The following NEK11 variants were observed in gnomAD, a reference collection of about 807,000 sequenced individuals.
NEK11 encodes serine/threonine-protein kinase Nek11.
In NEK11, 72 loss-of-function variants were observed where a neutral mutation model predicts 80.7. The ratio of observed to expected loss-of-function variants is 0.89; its 90% CI spans 0.74 to 1.08. The LOEUF is 1.08. NEK11 is among the 50% of genes least tolerant of loss of function. The pLI is 0.00. For missense variants in NEK11, 764 were observed against 763.6 expected (o/e 1.00, Z -0.01); for synonymous variants, 251 against 260.7 (o/e 0.96, Z 0.36).
intron 17 of NEK11, among the ~76,000 whole-genome samples, chr3:131,342,549 CT>C (rs201528368): frequency 0.013 from 1,707 of 135,576 alleles, 12 homozygotes; most frequent in Non-Finnish European, 0.015. Context: ...CTCCTGGTGT[CT>C]TTTTTTTTTT....
At chr3:131,213,984 A>G (rs963817579) in intron 14 of NEK11, among the ~76,000 whole-genome samples, 2 of 152,192 alleles carry the variant, frequency 1.3e-5, no homozygotes, top group African/African-American at 2.4e-5. Flanking sequence ...TCCTGTCTCT[A>G]TGTTTCCATG....
chr3:131,182,451 A>G (rs1372113494), intron 14 of NEK11, among the ~76,000 whole-genome samples: 1 of 152,182 alleles, frequency 6.6e-6, no homozygotes, highest in Non-Finnish European at 1.5e-5. Flanking sequence ...CACCAGGTAG[A>G]CTTGTCTCTG....
chr3:131,040,408 A>G (rs2066299361), intron 3 of NEK11, among the ~76,000 whole-genome samples: 1 of 152,190 alleles, frequency 6.6e-6, no homozygotes, highest in South Asian at 2.1e-4. Context: ...AGATGGTGTC[A>G]TGTTTCATGG....
chr3:131,214,397 C>G (rs977601218), intron 14 of NEK11, among the ~76,000 whole-genome samples: 1 of 152,166 alleles, frequency 6.6e-6, no homozygotes, highest in Non-Finnish European at 1.5e-5. Context: ...CAGCACATCC[C>G]ACTATGTACC....
At position 131,313,891 on chromosome 3, in the gene NEK11, A is replaced by C. The variant is rs180780113; in HGVS notation, c.1719-35666A>C. The stretch of plus-strand genomic sequence containing the variant: ...AACATTGTGCGTTTTCCTAACAATA[A>C]ATGAATTGGCAATTTTTAAAACTCA... On this transcript the variant is annotated intron_variant, in intron 17 of 17. Coordinates refer to ENST00000383366, the MANE Select transcript of NEK11 (RefSeq NM_024800.5). Among the ~76,000 whole-genome samples, 520 of 152,320 alleles carry C rather than the reference A, an allele frequency of 3.4e-3. 1 individual carries two copies. The highest frequency in any genetic ancestry group is 5.3e-3 in the Non-Finnish European group (358 of 68,026).
chr3:131,087,667 A>G (rs1434200653), intron 4 of NEK11, among the ~76,000 whole-genome samples: 1 of 152,228 alleles, frequency 6.6e-6, no homozygotes, highest in African/African-American at 2.4e-5. Context: ...AAAGTATTTA[A>G]ACAAACCAAG....
intron 3 of NEK11, among the ~76,000 whole-genome samples, chr3:131,037,351 T>G (rs1200258314): frequency 6.6e-6 from 1 of 151,730 alleles, no homozygotes; most frequent in Middle Eastern, 3.2e-3. Context: ...TGGTGTGATC[T>G]CAGCTCACTG....
chr3:131,215,545 T>C (rs945155985), intron 14 of NEK11, among the ~76,000 whole-genome samples: 1 of 152,194 alleles, frequency 6.6e-6, no homozygotes, highest in African/African-American at 2.4e-5. Context: ...GGGCATTTAT[T>C]CAACCTGTGC....
chr3:131,224,296 C>T (rs2176173), intron 14 of NEK11, among the ~76,000 whole-genome samples: 7,874 of 151,996 alleles, frequency 0.052, 667 homozygotes, highest in African/African-American at 0.18. Flanking sequence ...GGCACGATCT[C>T]GGCTCACTGC....
chr3:131,349,692 T>G lies in NEK11; in HGVS notation c.1854T>G (p.Cys618Trp). The G allele has an allele frequency of 6.2e-7, 1 of 1,614,048 alleles. No homozygotes were observed. Among genetic ancestry groups the G allele is most frequent in the Non-Finnish European group, 8.5e-7 (1 of 1,179,932 alleles). The change falls in exon 18 of 18, where the codon TGT (cysteine) becomes TGG (tryptophan). Residue 618 changes from cysteine to tryptophan, a missense_variant. Transcript: ENST00000383366. ...LEKVVPQASD[C>W]FEVDQLLYFE... ...AAGTGGTGCCTCAAGCCAGCGACTG[T>G]TTTGAAGTGGACCAGCTCCTGTACT...
chr3:131,053,594 G>A (rs890565245), intron 3 of NEK11: 1 of 152,134 alleles, frequency 6.6e-6, no homozygotes. Context: ...TAACTCTCCA[G>A]TGTCCATGAG....
At chr3:131,081,815 G>A (rs565427203) in intron 4 of NEK11, among the ~76,000 whole-genome samples, 7 of 152,270 alleles carry the variant, frequency 4.6e-5, no homozygotes, top group Non-Finnish European at 1.0e-4. Flanking sequence ...ACTTGAAGGT[G>A]CCATTTGTTT....
At chr3:131,029,541 T>C in intron 2 of NEK11, 72 bp from the exon 3 acceptor site, 1 of 581,452 alleles carries the variant, frequency 1.7e-6, no homozygotes, top group South Asian at 2.5e-5. Context: ...CAGATATCAC[T>C]GCACTTAACA....
chr3:131,055,482 T>C lies in NEK11; in HGVS notation c.171-24941T>C, dbSNP rs74684857. On this transcript the variant is annotated intron_variant, in intron 3 of 17. Coordinates refer to ENST00000383366, the MANE Select transcript of NEK11 (RefSeq NM_024800.5). ...CAGGCATGGTGGCTCACTCCTGTAT[T>C]CTTAGCACTTTGGGAGGCTGATATG... is the stretch of plus-strand genomic sequence containing the variant. Among the ~76,000 whole-genome samples the C allele has an allele frequency of 7.2e-5, 11 of 152,318 alleles. No individual in the cohort carries two copies. The East Asian group carries it at 2.1e-3, about 29-fold the overall frequency.
intron 7 of NEK11, among the ~76,000 whole-genome samples, chr3:131,148,466 T>A (rs1271337768): frequency 6.6e-6 from 1 of 152,006 alleles, no homozygotes; most frequent in Non-Finnish European, 1.5e-5. Flanking sequence ...CATCTGGTCC[T>A]GGAGTTTTTC....
chr3:131,041,529 T>C (rs1348550506), intron 3 of NEK11, among the ~76,000 whole-genome samples: 1 of 152,186 alleles, frequency 6.6e-6, no homozygotes, highest in African/African-American at 2.4e-5. Context: ...TGTATGTGTA[T>C]ACATACGTAA....
At chr3:131,345,128 AT>A (rs2097342722) in intron 17 of NEK11, among the ~76,000 whole-genome samples, 3 of 152,034 alleles carry the variant, frequency 2.0e-5, no homozygotes, top group African/African-American at 7.2e-5. Flanking sequence ...GGTTTGATTA[AT>A]TTTTTTCTAT....
At position 131,320,642 on chromosome 3, in the gene NEK11, G is replaced by A. The variant is rs139463970; in HGVS notation, c.1719-28915G>A. On this transcript the variant is annotated intron_variant, in intron 17 of 17. Coordinates refer to ENST00000383366, the MANE Select transcript of NEK11 (RefSeq NM_024800.5). ...AAAAAGAAAGCTTAGTATTTCAGTA[G>A]AGGATGCTGTATGGGAAACAATGCC... 4.1e-3 allele frequency among the ~76,000 whole-genome samples: 618 copies of A among 152,184 alleles called. 2 individuals carry two copies. The highest frequency in any genetic ancestry group is 0.014 in the African/African-American group (576 of 41,538).
chr3:131,297,691 G>T (rs1246256034), intron 17 of NEK11, among the ~76,000 whole-genome samples: 2 of 151,546 alleles, frequency 1.3e-5, no homozygotes, highest in Non-Finnish European at 3.0e-5. Context: ...GTCAATTTTG[G>T]CTTTTGTTGC....
Sources: allele counts gnomAD v4.1 joint callset (sites outside exome capture counted in the v4.1 genomes callset), GRCh38; gene constraint gnomAD v4.1.1; transcripts MANE v1.5; gene names NCBI Gene and HGNC (gene_info 2026-07-23, HGNC 2026-07-21).